The following PRRC2B variants were observed in gnomAD, a reference collection of about 807,000 sequenced individuals.
The protein encoded by PRRC2B is proline rich coiled-coil 2B, also known as protein PRRC2B.
In PRRC2B, 68 loss-of-function variants were observed where a neutral mutation model predicts 242.3. The ratio of observed to expected loss-of-function variants is 0.28; its 90% CI spans 0.23 to 0.34. PRRC2B has a LOEUF of 0.34. PRRC2B is among the 10% of genes least tolerant of loss of function. The pLI, the probability that PRRC2B is intolerant of heterozygous loss-of-function variation, is 1.00. For synonymous variants in PRRC2B, 1,228 were observed against 1,173.6 expected, an observed-to-expected ratio of 1.05 and a Z score of -0.95; for missense variants, 2,835 against 2,954.8, an observed-to-expected ratio of 0.96 and a Z score of 0.94.
At chr9:131,383,393 G>C (rs1836786383) in intron 1 of PRRC2B, among the ~76,000 whole-genome samples, 1 of 151,988 alleles carries the variant, frequency 6.6e-6, no homozygotes, top group Non-Finnish European at 1.5e-5. Context: ...TCCTGGATCA[G>C]ATCATATTAC....
At chr9:131,483,269 G>T (rs1191268577) in intron 22 of PRRC2B, 90 bp from the exon 23 acceptor site, 2 of 1,257,678 alleles carry the variant, frequency 1.6e-6, no homozygotes, top group East Asian at 4.7e-5. Flanking sequence ...TTTTTGAGTC[G>T]GGGAAACTGC....
chr9:131,475,389 G>C lies in PRRC2B; in HGVS notation c.3260G>C (p.Gly1087Ala). Residue 1087 changes from glycine (G) to alanine (A), a missense_variant, in exon 16 of 32, where the codon GGC (glycine) becomes GCC (alanine). By Grantham distance (60) the Gly-to-Ala change is moderately conservative. Around this residue, in one of 7 missense-constraint regions of PRRC2B, gnomAD observed 1,536 missense variants for 1,483.1 expected, o/e 1.04. Transcript: ENST00000683519. Reference sequence around the variant, plus strand: ...CGGCCTGCTGGCGGAAATGGGAGCGGCCTCTGTGGTGGGGGGGTCCTGGGG... The same window carrying C: ...CGGCCTGCTGGCGGAAATGGGAGCGCCCTCTGTGGTGGGGGGGTCCTGGGG... ...RGRPAGGNGS[G>A]LCGGGVLGAR... 6.3e-7 allele frequency: 1 copy of C among 1,585,888 alleles called. No individual in the cohort carries two copies. Among genetic ancestry groups the C allele is most frequent in the South Asian group, 1.1e-5 (1 of 87,416 alleles).
In PRRC2B at chr9:131,487,402, G is replaced by A; in HGVS notation, c.5984+108G>A. ...TTGGTGCTTGTCTGCTTTGGGGCCA[G>A]TGGGGCGGGGAGGGGTGGGAGTTTG... On this transcript the variant is annotated intron_variant, in intron 27 of 31. Transcript: ENST00000683519. The surrounding 1 kb of genome is among the most constrained non-coding windows in gnomAD (Gnocchi z 5.3). The A allele has an allele frequency of 1.2e-6, 1 of 861,120 alleles. No individual in the cohort carries two copies. The highest frequency in any genetic ancestry group is 3.1e-5 in the East Asian group (1 of 31,920). The allele number at this position is 861,120 out of a possible 1,614,324, so 53.3% of individuals were successfully genotyped here. A position where few individuals can be genotyped will look rare whatever the true frequency, so the allele number is the denominator to read the frequency against.
At chr9:131,395,865 T>A (rs1837038702) in intron 1 of PRRC2B, among the ~76,000 whole-genome samples, 1 of 152,210 alleles carries the variant, frequency 6.6e-6, no homozygotes, top group Non-Finnish European at 1.5e-5. Context: ...TTGGTCAGTT[T>A]AAGGCAGGGT....
At chr9:131,429,769 C>T (rs901162063) in intron 1 of PRRC2B, among the ~76,000 whole-genome samples, 4 of 152,062 alleles carry the variant, frequency 2.6e-5, no homozygotes, top group African/African-American at 4.8e-5. Flanking sequence ...GGAGAGGGCT[C>T]TGTTGAAGTT....
upstream of PRRC2B, among the ~76,000 whole-genome samples, chr9:131,393,623 T>C (rs1359172346): frequency 6.6e-6 from 1 of 152,256 alleles, no homozygotes; most frequent in Non-Finnish European, 1.5e-5. Flanking sequence ...GGGCTTAGTC[T>C]GTTCTGAGGC....
chr9:131,440,460 TAAAAG>T (rs1294496347), intron 5 of PRRC2B, among the ~76,000 whole-genome samples: 1 of 152,122 alleles, frequency 6.6e-6, no homozygotes, highest in Non-Finnish European at 1.5e-5. Flanking sequence ...CTACAAAAAT[TAAAAG>T]AAAAACTTCT....
intron 1 of PRRC2B, among the ~76,000 whole-genome samples, chr9:131,374,140 T>C (rs1260959928): frequency 1.3e-5 from 2 of 151,954 alleles, no homozygotes. Context: ...CCCTGATTCG[T>C]TCATTACACA....
At chr9:131,462,885 A>G (rs939557391) in intron 11 of PRRC2B, among the ~76,000 whole-genome samples, 1 of 150,556 alleles carries the variant, frequency 6.6e-6, no homozygotes, top group Non-Finnish European at 1.5e-5. Flanking sequence ...TTTGCAGAAC[A>G]TTTAGTCTAT....
chr9:131,490,234 C>T (rs1312341855), intron 28 of PRRC2B, among the ~76,000 whole-genome samples: 1 of 150,246 alleles, frequency 6.7e-6, no homozygotes, highest in Non-Finnish European at 1.5e-5. Context: ...CCCCTCACCT[C>T]ACCCCCTTAC....
chr9:131,462,881 G>T (rs1201173953), intron 11 of PRRC2B, among the ~76,000 whole-genome samples: 1 of 132,876 alleles, frequency 7.5e-6, no homozygotes, highest in Non-Finnish European at 1.6e-5. Context: ...TTACTTTGCA[G>T]AACATTTAGT....
intron 1 of PRRC2B, among the ~76,000 whole-genome samples, chr9:131,423,260 G>C (rs1837892999): frequency 6.6e-6 from 1 of 152,324 alleles, no homozygotes; most frequent in South Asian, 2.1e-4. Flanking sequence ...GTCAGAGCTG[G>C]ATGGAAATGC....
upstream of PRRC2B, among the ~76,000 whole-genome samples, chr9:131,390,319 G>A (rs1271213782): frequency 2.0e-5 from 3 of 149,782 alleles, no homozygotes; most frequent in Admixed American, 1.4e-4. Context: ...GTGAATGAAC[G>A]GACGAACTTT....
chr9:131,473,915 C>T (rs1018469173), intron 15 of PRRC2B, among the ~76,000 whole-genome samples, 191 bp downstream of exon 15: 1 of 152,136 alleles, frequency 6.6e-6, no homozygotes, highest in Admixed American at 6.5e-5. Flanking sequence ...CCAAGAGGCT[C>T]TTTTCAGATG....
intron 12 of PRRC2B, among the ~76,000 whole-genome samples, chr9:131,466,411 G>A (rs1178120076): frequency 6.6e-6 from 1 of 152,244 alleles, no homozygotes; most frequent in Non-Finnish European, 1.5e-5. Flanking sequence ...CTTATTTGCA[G>A]ATGAAGAAAT....
Position 131,495,868 on chromosome 9 carries a change from GGCCTGACAGT to G in PRRC2B, c.6690_*9del. ...GGGCTGTCAAAGTGGAGGAGAGTAA[GGCCTGACAGT>G]GCCTGGCTGCCACCTCGCCTCTCCC... On this transcript the variant is annotated stop_lost and 3_prime_UTR_variant, in exon 32 of 32. Coordinates refer to ENST00000683519, the MANE Select transcript of PRRC2B (RefSeq NM_013318.4). 1 of 1,602,576 alleles carries G rather than the reference GGCCTGACAGT, an allele frequency of 6.2e-7. No homozygotes were observed. The highest frequency in any genetic ancestry group is 8.5e-7 in the Non-Finnish European group (1 of 1,170,744).
At chr9:131,429,424 T>C (rs1838065201) in intron 1 of PRRC2B, among the ~76,000 whole-genome samples, 2 of 152,250 alleles carry the variant, frequency 1.3e-5, no homozygotes, top group Admixed American at 1.3e-4. Context: ...GCGGATGGCA[T>C]AGCCCCCATG....
chr9:131,435,231 G>C (rs1019874084), intron 3 of PRRC2B, among the ~76,000 whole-genome samples: 4 of 151,812 alleles, frequency 2.6e-5, no homozygotes, highest in Non-Finnish European at 5.9e-5. Flanking sequence ...CCGGGAGGCA[G>C]AGGTTGCAGT....
intron 13 of PRRC2B, among the ~76,000 whole-genome samples, chr9:131,469,079 C>T (rs1943471511): frequency 6.6e-6 from 1 of 152,168 alleles, no homozygotes; most frequent in African/African-American, 2.4e-5. Context: ...GTGGCTCACG[C>T]CTGTAATCCC....
Sources: gnomAD v4.1 joint callset for allele counts (sites outside exome capture counted in the v4.1 genomes callset) on GRCh38, gnomAD v4.1.1 for gene constraint, gnomAD v4.1.1 regional missense constraint, Gnocchi (gnomAD v3.1) non-coding constraint, MANE v1.5 for transcripts, NCBI Gene and HGNC (gene_info 2026-07-23, HGNC 2026-07-21) for gene names.